Variants in PIK3CB observed in about 807,000 individuals in gnomAD.
PIK3CB encodes phosphatidylinositol-4,5-bisphosphate 3-kinase catalytic subunit beta.
In PIK3CB, 39 loss-of-function variants were observed where a neutral mutation model predicts 136.8. The ratio of observed to expected loss-of-function variants is 0.29; its 90% confidence interval spans 0.22 to 0.37. The LOEUF (loss-of-function observed/expected upper bound fraction) is 0.37, where lower values mean the gene tolerates loss of function less well. Ranked by LOEUF, PIK3CB falls within the 10% of genes least tolerant of loss-of-function variation. The pLI, the probability that PIK3CB is intolerant of heterozygous loss-of-function variation, is 1.00. For missense variants in PIK3CB, 868 were observed against 1,275.4 expected (o/e 0.68, Z 4.87); for synonymous variants, 428 against 436.6 (o/e 0.98, Z 0.25).
intron 2 of PIK3CB, among the ~76,000 whole-genome samples, chr3:138,779,710 T>A (rs75350357): frequency 3.3e-5 from 5 of 150,908 alleles, no homozygotes; most frequent in Non-Finnish European, 7.4e-5. Context: ...TTTTTTTTTT[T>A]AATAGAGACA....
At chr3:138,820,542 G>A (rs938877247) in intron 1 of PIK3CB, among the ~76,000 whole-genome samples, 2 of 152,124 alleles carry the variant, frequency 1.3e-5, no homozygotes, top group African/African-American at 2.4e-5. Context: ...TGCCCAGGCT[G>A]GAGTGCAGTG....
chr3:138,823,588 A>C (rs1289002888), intron 1 of PIK3CB, among the ~76,000 whole-genome samples: 1 of 152,166 alleles, frequency 6.6e-6, no homozygotes. Flanking sequence ...CTGTAATGCC[A>C]GCTACTCGGG....
intron 14 of PIK3CB, 82 bp downstream of exon 14, chr3:138,694,704 T>C: frequency 1.4e-6 from 2 of 1,403,312 alleles, no homozygotes; most frequent in Non-Finnish European, 2.0e-6. Flanking sequence ...TTTTCTTTCT[T>C]ATGAGACATC....
intron 2 of PIK3CB, among the ~76,000 whole-genome samples, chr3:138,768,922 G>C (rs2045767186): frequency 6.6e-6 from 1 of 152,192 alleles, no homozygotes. Flanking sequence ...GGGCCTTCTT[G>C]GGCCCCTAAG....
At chr3:138,676,619 T>G (rs2043649562) in intron 19 of PIK3CB, among the ~76,000 whole-genome samples, 1 of 152,208 alleles carries the variant, frequency 6.6e-6, no homozygotes, top group African/African-American at 2.4e-5. Flanking sequence ...TTAACTGATG[T>G]ATGGATAAAT....
intron 2 of PIK3CB, among the ~76,000 whole-genome samples, chr3:138,781,309 C>A (rs1230155730): frequency 3.3e-5 from 5 of 149,808 alleles, no homozygotes; most frequent in African/African-American, 7.4e-5. Flanking sequence ...AAAAAAACAA[C>A]AAAAAACGAA....
chr3:138,750,339 C>G (rs1369600492), intron 4 of PIK3CB, among the ~76,000 whole-genome samples: 1 of 151,934 alleles, frequency 6.6e-6, no homozygotes, highest in Non-Finnish European at 1.5e-5. Context: ...TAACTATAGT[C>G]ACGGTGCTAT....
chr3:138,718,106 G>A (rs1446840148), intron 8 of PIK3CB, among the ~76,000 whole-genome samples: 1 of 152,072 alleles, frequency 6.6e-6, no homozygotes, highest in East Asian at 1.9e-4. Context: ...TTAAGGAATC[G>A]CCATACTGCT....
At chr3:138,714,191 T>A (rs2044561809) in intron 9 of PIK3CB, among the ~76,000 whole-genome samples, 1 of 152,100 alleles carries the variant, frequency 6.6e-6, no homozygotes, top group African/African-American at 2.4e-5. Flanking sequence ...CTTAAAAGTA[T>A]TACATATATA....
At chr3:138,700,806 G>A (rs1361998241) in intron 12 of PIK3CB, among the ~76,000 whole-genome samples, 1 of 151,990 alleles carries the variant, frequency 6.6e-6, no homozygotes, top group Non-Finnish European at 1.5e-5. Context: ...AATCCAAAAC[G>A]AAAAGCAAGA....
At chr3:138,827,983 G>A (rs992242470) in intron 1 of PIK3CB, among the ~76,000 whole-genome samples, 27 of 150,914 alleles carry the variant, frequency 1.8e-4, no homozygotes, top group Non-Finnish European at 2.7e-4. Context: ...GCGAGACTCC[G>A]TCTCAAAAAA....
At chr3:138,708,348 C>T (rs942710199) in intron 10 of PIK3CB, among the ~76,000 whole-genome samples, 3 of 150,822 alleles carry the variant, frequency 2.0e-5, no homozygotes, top group African/African-American at 7.3e-5. Flanking sequence ...GCAACCTCCA[C>T]CTCCCAGGCT....
At chr3:138,795,353 A>C (rs1191190691) in intron 2 of PIK3CB, among the ~76,000 whole-genome samples, 3 of 145,534 alleles carry the variant, frequency 2.1e-5, no homozygotes, top group Non-Finnish European at 4.5e-5. Context: ...AAGGCCCAGC[A>C]TGGTGACCCA....
intron 10 of PIK3CB, among the ~76,000 whole-genome samples, chr3:138,710,747 G>A (rs1302033094): frequency 2.0e-5 from 3 of 152,162 alleles, no homozygotes; most frequent in Non-Finnish European, 4.4e-5. Context: ...GCGTGTGGAA[G>A]GTGCTCCATT....
intron 11 of PIK3CB, among the ~76,000 whole-genome samples, chr3:138,706,174 A>C (rs2044374562): frequency 6.6e-6 from 1 of 152,208 alleles, no homozygotes; most frequent in Non-Finnish European, 1.5e-5. Flanking sequence ...TGAGGCAAGT[A>C]ATTTGAGGCT....
chr3:138,822,307 G>T (rs1271941799), intron 1 of PIK3CB, among the ~76,000 whole-genome samples: 4 of 152,190 alleles, frequency 2.6e-5, no homozygotes, highest in African/African-American at 9.6e-5. Context: ...GCCGAGGCAG[G>T]CAGATCACAA....
intron 2 of PIK3CB, among the ~76,000 whole-genome samples, chr3:138,787,699 C>G (rs1161156935): frequency 6.8e-6 from 1 of 147,128 alleles, no homozygotes; most frequent in African/African-American, 2.5e-5. Context: ...AATTTCCAAA[C>G]AGGAGGTTAA....
Position 138,683,280 on chromosome 3 carries a change from G to A in PIK3CB, c.2425+398C>T, listed in dbSNP as rs187299510. On this transcript the variant is annotated intron_variant, in intron 18 of 23. Coordinates refer to ENST00000674063, the MANE Select transcript of PIK3CB (RefSeq NM_006219.3). ...GAGGTAGGATGATCACTTGGGCCTGGGAGGTGGAGGTTTCAGTGAGCCAAG... is the reference window on the plus strand; with the variant it reads ...GAGGTAGGATGATCACTTGGGCCTGAGAGGTGGAGGTTTCAGTGAGCCAAG... Among the ~76,000 whole-genome samples the A allele has an allele frequency of 8.6e-5, 13 of 151,876 alleles. No individual in the cohort carries two copies. In the East Asian group the frequency reaches 2.3e-3, roughly 27 times the overall value.
In PIK3CB at chr3:138,795,393, G is replaced by A. The variant is rs550776884; in HGVS notation, c.-17+1070C>T. 1.2e-4 allele frequency among the ~76,000 whole-genome samples: 18 copies of A among 151,252 alleles called. No homozygotes were observed. In the South Asian group the frequency reaches 3.6e-3, roughly 30 times the overall value. ...TATAATCCCACCCAGCACTTTGGGA[G>A]GTTGAGGCGGGCAGATCACCTGAGG... On this transcript the variant is annotated intron_variant, in intron 2 of 23. Transcript: ENST00000674063.
Sources: gnomAD v4.1 joint callset for allele counts (sites outside exome capture counted in the v4.1 genomes callset) on GRCh38, gnomAD v4.1.1 for gene constraint, MANE v1.5 for transcripts, NCBI Gene and HGNC (gene_info 2026-07-23, HGNC 2026-07-21) for gene names.